Variants in EVC observed in about 807,000 individuals in gnomAD.
The protein encoded by EVC is evC complex member EVC.
In EVC, 116 loss-of-function variants were observed where a neutral mutation model predicts 118.9. The observed-to-expected ratio is 0.98, with a 90% CI of 0.84 to 1.14. The LOEUF is 1.14. EVC is among the 50% of genes most tolerant of loss of function. EVC has a pLI of 0.00. For synonymous variants in EVC, 619 were observed against 534.7 expected (o/e 1.16, Z -2.18); for missense variants, 1,401 against 1,246.4 (o/e 1.12, Z -1.87).
At position 5,743,242 on chromosome 4, in the gene EVC, C is replaced by T. The variant is rs535433060; in HGVS notation, c.801+1428C>T. Among the ~76,000 whole-genome samples, 2 of 152,070 alleles carry T rather than the reference C, an allele frequency of 1.3e-5. No individual in the cohort carries two copies. Among genetic ancestry groups the T allele is most frequent in the Admixed American group, 1.3e-4 (2 of 15,270 alleles). On this transcript the variant is annotated intron_variant, in intron 6 of 20. Coordinates refer to ENST00000264956, the MANE Select transcript of EVC (RefSeq NM_153717.3). The surrounding 1 kb of genome is among the most constrained non-coding windows in gnomAD (Gnocchi z 4.7). ...GTTCCTGCCGGTTTCTTCACTTTAT[C>T]CTGTCTGGACCAGATCCCATTTTGA... is the stretch of plus-strand genomic sequence containing the variant.
At chr4:5,736,358 C>G (rs1727682702) in intron 5 of EVC, among the ~76,000 whole-genome samples, 1 of 152,136 alleles carries the variant, frequency 6.6e-6, no homozygotes. Context: ...GGTCTGTAGA[C>G]AGCAGTATTC....
At position 5,801,841 on chromosome 4, in the gene EVC, G is replaced by A. The variant is rs900779422; in HGVS notation, c.2305-109G>A. 12 of 1,267,808 alleles carry A rather than the reference G, an allele frequency of 9.5e-6. No homozygotes were observed. In the African/African-American group the frequency reaches 1.3e-4, roughly 14 times the overall value. 78.5% of individuals were successfully genotyped at this position (1,267,808 alleles called of 1,614,324 possible). On this transcript the variant is annotated intron_variant, in intron 15 of 20. Transcript: ENST00000264956. ...CTTCCTGACCAATCCAGGTTGGTGAGTAGGTGGAAGATCTGAACCAGGGCA... is the reference window on the plus strand; with the variant it reads ...CTTCCTGACCAATCCAGGTTGGTGAATAGGTGGAAGATCTGAACCAGGGCA...
At chr4:5,806,621 C>T (rs1036531708) in intron 17 of EVC, among the ~76,000 whole-genome samples, 2 of 152,180 alleles carry the variant, frequency 1.3e-5, no homozygotes, top group Non-Finnish European at 2.9e-5. Context: ...GATTCCATAT[C>T]TTTGCTATTG....
intron 3 of EVC, among the ~76,000 whole-genome samples, chr4:5,730,979 G>A (rs902545027): frequency 1.1e-4 from 17 of 152,010 alleles, no homozygotes; most frequent in African/African-American, 4.1e-4. Flanking sequence ...GTGGGCAGAG[G>A]GCAGGAGGGT....
chr4:5,809,447 C>T, intron 18 of EVC, 71 bp from the exon 19 acceptor site: 1 of 1,372,882 alleles, frequency 7.3e-7, no homozygotes, highest in Non-Finnish European at 1.0e-6. Flanking sequence ...TCAGAATTCA[C>T]TCACGTGGAG....
Position 5,743,393 on chromosome 4 carries a change from A to G in EVC, c.801+1579A>G, listed in dbSNP as rs1295918609. Among the ~76,000 whole-genome samples, 1 of 151,998 alleles carries G rather than the reference A, an allele frequency of 6.6e-6. No homozygotes were observed. The highest frequency in any genetic ancestry group is 1.5e-5 in the Non-Finnish European group (1 of 68,004). On this transcript the variant is annotated intron_variant, in intron 6 of 20. Transcript: ENST00000264956. The surrounding 1 kb of genome is among the most constrained non-coding windows in gnomAD (Gnocchi z 4.7). ...CTCTTATTCATCATCCCCTGCCATC[A>G]TTTTCATTATCATCATCATTGTTAT...
In EVC at chr4:5,797,063, G is replaced by A. The variant is rs144906677; in HGVS notation, c.1928G>A (p.Arg643His). 89 of 1,613,418 alleles carry A rather than the reference G, an allele frequency of 5.5e-5. No individual in the cohort carries two copies. In the African/African-American group the frequency reaches 8.4e-4, roughly 15 times the overall value. Reference sequence around the variant, plus strand: ...CTGCAGGGGCATGACCTGCTGTTGCGCTCAGCCCTCCGGAGGCTGGCACTC... The same window carrying A: ...CTGCAGGGGCATGACCTGCTGTTGCACTCAGCCCTCCGGAGGCTGGCACTC... ...CVLQGHDLLL[R>H]SALRRLALRG... The change falls in exon 14 of 21, where the codon CGC (arginine) becomes CAC (histidine). Residue 643 changes from arginine to histidine, a missense_variant. By Grantham distance (29) the Arg-to-His change is conservative. Transcript: ENST00000264956.
At chr4:5,744,970 T>C (rs1729136427) in intron 6 of EVC, among the ~76,000 whole-genome samples, 2 of 76,318 alleles carry the variant, frequency 2.6e-5, no homozygotes, top group Admixed American at 9.6e-5. Flanking sequence ...ATGGTCTAGT[T>C]TTTTTTTTTT....
At chr4:5,787,962 A>C in intron 12 of EVC, among the ~76,000 whole-genome samples, 1 of 151,918 alleles carries the variant, frequency 6.6e-6, no homozygotes, top group East Asian at 1.9e-4. Flanking sequence ...TCCTTGAAAC[A>C]CCCGCTTGAC....
At chr4:5,767,277 G>C (rs536904195) in intron 11 of EVC, among the ~76,000 whole-genome samples, 1 of 150,896 alleles carries the variant, frequency 6.6e-6, no homozygotes, top group Non-Finnish European at 1.5e-5. Flanking sequence ...CCAGCTGCAT[G>C]CTGGGAGAAC....
chr4:5,769,558 G>A (rs10937669), intron 11 of EVC, among the ~76,000 whole-genome samples: 58,671 of 151,646 alleles, frequency 0.39, 11,682 homozygotes, highest in Middle Eastern at 0.51. Context: ...TCTGTGGCTC[G>A]GCACCTCACA....
At position 5,731,642 on chromosome 4, in the gene EVC, T is replaced by C; in HGVS notation, c.602T>C (p.Val201Ala). Residue 201 changes from valine to alanine, a missense_variant, in exon 4 of 21, where the codon GTG becomes GCG. Coordinates refer to ENST00000264956, the MANE Select transcript of EVC (RefSeq NM_153717.3). The surrounding 1 kb of genome is among the most constrained non-coding windows in gnomAD (Gnocchi z 5.6). The part of the protein sequence containing the change: ...TFLRVNAFPE[V>A]LACESVDVDL... ...CTCCGGGTGAACGCCTTCCCTGAAGTGCTGGCCTGCGAGAGGTAAGGAGAG... is the reference window on the plus strand; with the variant it reads ...CTCCGGGTGAACGCCTTCCCTGAAGCGCTGGCCTGCGAGAGGTAAGGAGAG... 1 of 1,614,018 alleles carries C rather than the reference T, an allele frequency of 6.2e-7. No homozygotes were observed. The highest frequency in any genetic ancestry group is 8.5e-7 in the Non-Finnish European group (1 of 1,179,988).
intron 11 of EVC, among the ~76,000 whole-genome samples, chr4:5,771,520 G>A (rs779462725): frequency 1.4e-4 from 21 of 152,178 alleles, no homozygotes; most frequent in Non-Finnish European, 2.6e-4. Context: ...CGTGCTCAAA[G>A]GTTCCAGGGA....
chr4:5,738,827 A>G lies in EVC; in HGVS notation c.703-2889A>G, dbSNP rs1728080217. On this transcript the variant is annotated intron_variant, in intron 5 of 20. Transcript: ENST00000264956. The surrounding 1 kb of genome is among the most constrained non-coding windows in gnomAD (Gnocchi z 6.5). ...GTGATCCACCTGCCTCCGCCTCCCAAAGTGCTGGGATTACGGGTGTGAGCC... is the reference window on the plus strand; with the variant it reads ...GTGATCCACCTGCCTCCGCCTCCCAGAGTGCTGGGATTACGGGTGTGAGCC... 6.6e-6 allele frequency among the ~76,000 whole-genome samples: 1 copy of G among 152,046 alleles called. No individual in the cohort carries two copies. The highest frequency in any genetic ancestry group is 1.5e-5 in the Non-Finnish European group (1 of 68,008).
At chr4:5,761,584 C>A (rs1732025158) in intron 11 of EVC, among the ~76,000 whole-genome samples, 1 of 151,908 alleles carries the variant, frequency 6.6e-6, no homozygotes, top group African/African-American at 2.4e-5. Context: ...AGTAAATCTA[C>A]AGTTTACGTA....
the EVC span, chr4:5,827,983 A>G: frequency 1.1e-6 from 1 of 951,846 alleles, no homozygotes; most frequent in Non-Finnish European, 1.3e-6. Context: ...AAGGAACGAC[A>G]GGGCAGAAAC....
Position 5,711,547 on chromosome 4 carries a change from G to A in EVC, c.167G>A (p.Arg56Gln), listed in dbSNP as rs1723024431. The change falls in exon 1 of 21, where the codon CGA (arginine) becomes CAA (glutamine). Residue 56 changes from arginine (R) to glutamine (Q), a missense_variant. Arg to Gln is a conservative substitution (Grantham distance 43). Coordinates refer to ENST00000264956, the MANE Select transcript of EVC (RefSeq NM_153717.3). ...TGCCGCGCGGGCCGCCAGCGCACGC[G>A]ACACCAGGTGGGTCGGCCGAGCAGA... ...LGCRAGRQRT[R>Q]HQKDDTQNLL... The A allele has an allele frequency of 1.7e-6, 2 of 1,159,000 alleles. No homozygotes were observed. The highest frequency in any genetic ancestry group is 1.1e-6 in the Non-Finnish European group (1 of 941,562). The allele number at this position is 1,159,000 out of a possible 1,614,324, so 71.8% of individuals were successfully genotyped here.
At chr4:5,744,231 A>G (rs1729028413) in intron 6 of EVC, among the ~76,000 whole-genome samples, 1 of 152,192 alleles carries the variant, frequency 6.6e-6, no homozygotes, top group Non-Finnish European at 1.5e-5. Context: ...AAACTATCTT[A>G]CCTTCCATAA....
downstream of EVC, among the ~76,000 whole-genome samples, chr4:5,817,317 C>T (rs557821150): frequency 6.6e-6 from 1 of 152,312 alleles, no homozygotes; most frequent in Admixed American, 6.5e-5. Context: ...TGGTGTTTGG[C>T]TCCCGTCTGA....
Sources: gnomAD v4.1 joint callset for allele counts (sites outside exome capture counted in the v4.1 genomes callset) on GRCh38, gnomAD v4.1.1 for gene constraint, Gnocchi (gnomAD v3.1) non-coding constraint, MANE v1.5 for transcripts, NCBI Gene and HGNC (gene_info 2026-07-23, HGNC 2026-07-21) for gene names.